The following LACTB variants were observed in gnomAD, a reference collection of about 807,000 sequenced individuals.
LACTB encodes the protein serine beta-lactamase-like protein LACTB, mitochondrial.
In LACTB, 35 loss-of-function variants were observed where a neutral mutation model predicts 50.2. The ratio of observed to expected loss-of-function variants is 0.70; its 90% CI spans 0.53 to 0.92. The LOEUF is 0.92. Among genes scored for constraint, LACTB ranks in the 40% least tolerant of loss-of-function variants. The pLI is 0.00. For synonymous variants in LACTB, 252 were observed against 268.2 expected (o/e 0.94, Z 0.59); for missense variants, 664 against 691.8 (o/e 0.96, Z 0.45).
At chr15:63,122,487 G>A (rs1172364181) in intron 1 of LACTB, 149 bp from the exon 2 acceptor site, 2 of 763,296 alleles carry the variant, frequency 2.6e-6, no homozygotes, top group African/African-American at 1.7e-5. Context: ...CTGTTAGTGA[G>A]TGACCATGGC....
Position 63,141,318 on chromosome 15 carries a change from C to G in LACTB, c.1157C>G (p.Thr386Arg), listed in dbSNP as rs1282311705. 3.7e-6 allele frequency: 6 copies of G among 1,612,906 alleles called. No homozygotes were observed. The highest frequency in any genetic ancestry group is 5.1e-6 in the Non-Finnish European group (6 of 1,179,414). Reference sequence around the variant, plus strand: ...AATAAAAAGAAACGTCTTGTCAACACACCTTACGTGGATAACTCCTATAAA... The same window carrying G: ...AATAAAAAGAAACGTCTTGTCAACAGACCTTACGTGGATAACTCCTATAAA... ...VYNKKKRLVN[T>R]PYVDNSYKWA... The change falls in exon 6 of 6, where the codon ACA becomes AGA. Residue 386 changes from threonine to arginine, a missense_variant. Coordinates refer to ENST00000261893, the MANE Select transcript of LACTB (RefSeq NM_032857.5).
intron 4 of LACTB, 118 bp from the exon 5 acceptor site, chr15:63,129,367 C>A: frequency 1.1e-6 from 1 of 895,008 alleles, no homozygotes; most frequent in Non-Finnish European, 1.6e-6. Context: ...TTTCTGAATG[C>A]TGAAGTAAAA....
At position 63,141,693 on chromosome 15, in the gene LACTB, A is replaced by C. The variant is rs1456842586; in HGVS notation, c.1532A>C (p.Lys511Thr). 1.2e-6 allele frequency: 2 copies of C among 1,614,064 alleles called. No individual in the cohort carries two copies. Among genetic ancestry groups the C allele is most frequent in the African/African-American group, 2.7e-5 (2 of 74,922 alleles). The change falls in exon 6 of 6, where the codon AAG becomes ACG. Residue 511 changes from lysine to threonine, a missense_variant. Transcript: ENST00000261893. ...EELDTETINN[K>T]VPPRGIIVSI... is the part of the protein sequence containing the mutation. ...CTGGATACAGAGACTATAAATAACA[A>C]GGTTCCCCCAAGAGGAATCATTGTT...
chr15:63,127,996 T>A (rs2037076665), intron 4 of LACTB, among the ~76,000 whole-genome samples: 1 of 152,230 alleles, frequency 6.6e-6, no homozygotes, highest in Non-Finnish European at 1.5e-5. Flanking sequence ...AAAGTAGACA[T>A]GATAAGGTAT....
chr15:63,123,035 T>C (rs983671437), intron 2 of LACTB, among the ~76,000 whole-genome samples: 1 of 152,242 alleles, frequency 6.6e-6, no homozygotes, highest in Non-Finnish European at 1.5e-5. Context: ...GTGGATGATA[T>C]TGAACCCTGT....
In LACTB at chr15:63,141,709, A is replaced by G; in HGVS notation, c.1548A>G (p.Gly516=). The G allele has an allele frequency of 1.2e-6, 2 of 1,614,158 alleles. No homozygotes were observed. The highest frequency in any genetic ancestry group is 2.7e-5 in the African/African-American group (2 of 75,046). ...ETINNKVPPR[G]IIVSIICNMQ... is the part of the protein sequence containing the mutation. ...TAAATAACAAGGTTCCCCCAAGAGG[A>G]ATCATTGTTTCTATCATATGTAACA... is the stretch of plus-strand genomic sequence containing the variant. The change falls in exon 6 of 6, where the codon GGA becomes GGG. Residue 516 remains glycine (G), a synonymous_variant. Transcript: ENST00000261893.
intron 5 of LACTB, among the ~76,000 whole-genome samples, chr15:63,137,917 A>G (rs565585565): frequency 2.0e-5 from 3 of 152,358 alleles, no homozygotes; most frequent in East Asian, 3.9e-4. Context: ...TTAATACTAA[A>G]TGTTAAAGTG....
intron 5 of LACTB, among the ~76,000 whole-genome samples, chr15:63,134,824 G>T (rs906170694): frequency 2.4e-4 from 36 of 151,668 alleles, no homozygotes; most frequent in Non-Finnish European, 4.6e-4. Context: ...GTGTGTGTGT[G>T]TGTGTGTGTG....
In LACTB at chr15:63,141,878, C is replaced by T. The variant is rs2037232982; in HGVS notation, c.*73C>T. 2 of 1,268,704 alleles carry T rather than the reference C, an allele frequency of 1.6e-6. No individual in the cohort carries two copies. The highest frequency in any genetic ancestry group is 2.2e-6 in the Non-Finnish European group (2 of 920,102). 78.6% of individuals were successfully genotyped at this position (1,268,704 alleles called of 1,614,324 possible). A position where few individuals can be genotyped will look rare whatever the true frequency, so the allele number is the denominator to read the frequency against. On this transcript the variant is annotated 3_prime_UTR_variant, in exon 6 of 6. Transcript: ENST00000261893. Reference sequence around the variant, plus strand: ...GAAACATTAAAGTTCCAAAACATGACATTTTTAAGAATAAATTTGAAATAG... The same window carrying T: ...GAAACATTAAAGTTCCAAAACATGATATTTTTAAGAATAAATTTGAAATAG...
chr15:63,122,389 C>T (rs1160753641), intron 1 of LACTB, among the ~76,000 whole-genome samples, 161 bp downstream of exon 1: 1 of 152,216 alleles, frequency 6.6e-6, no homozygotes, highest in Non-Finnish European at 1.5e-5. Context: ...GTCAGACGCT[C>T]TTGGGGGTTC....
At position 63,129,466 on chromosome 15, in the gene LACTB, C is replaced by A; in HGVS notation, c.953-19C>A. On this transcript the variant is annotated intron_variant, in intron 4 of 5. Transcript: ENST00000261893. ...AATCAAGTATTTTATTTTTTTCCTC[C>A]TCGCAATGATGTCTCAAGGTAGTCA... 6.7e-7 allele frequency: 1 copy of A among 1,499,558 alleles called. No individual in the cohort carries two copies. Among genetic ancestry groups the A allele is most frequent in the East Asian group, 2.4e-5 (1 of 41,106 alleles). 92.9% of individuals were successfully genotyped at this position (1,499,558 alleles called of 1,614,324 possible).
At chr15:63,123,109 G>C (rs1263786672) in intron 2 of LACTB, among the ~76,000 whole-genome samples, 1 of 152,192 alleles carries the variant, frequency 6.6e-6, no homozygotes, top group Admixed American at 6.5e-5. Flanking sequence ...GGCATAGTAA[G>C]AGATTAGCAA....
intron 5 of LACTB, chr15:63,130,152 A>G (rs1309956869): frequency 6.6e-6 from 1 of 152,294 alleles, no homozygotes; most frequent in Non-Finnish European, 1.5e-5. Flanking sequence ...ATTTGGAAAT[A>G]AGTTGTAGAC....
intron 2 of LACTB, among the ~76,000 whole-genome samples, chr15:63,124,961 G>GA (rs75764111): frequency 2.0e-5 from 3 of 150,684 alleles, no homozygotes; most frequent in South Asian, 2.1e-4. Context: ...CAAAAAAAAA[G>GA]AAAAAAAAAT....
At chr15:63,129,344 T>G (rs1049026745) in intron 4 of LACTB, 141 bp from the exon 5 acceptor site, 1 of 653,644 alleles carries the variant, frequency 1.5e-6, no homozygotes, top group Non-Finnish European at 2.4e-6. Flanking sequence ...GTTGATGTAT[T>G]GCCTGTGTTC....
At position 63,128,963 on chromosome 15, in the gene LACTB, G is replaced by A. The variant is rs551315620; in HGVS notation, c.953-522G>A. Among the ~76,000 whole-genome samples, 88 of 152,196 alleles carry A rather than the reference G, an allele frequency of 5.8e-4. 1 individual carries two copies. Among genetic ancestry groups the A allele is most frequent in the South Asian group, 2.1e-4 (1 of 4,820 alleles). The stretch of plus-strand genomic sequence containing the variant: ...TCACCATGTTGGCCAGGCTGGTCTC[G>A]AACTCCTGACCTCAGGTGATCCTCC... On this transcript the variant is annotated intron_variant, in intron 4 of 5. Coordinates refer to ENST00000261893, the MANE Select transcript of LACTB (RefSeq NM_032857.5).
In LACTB at chr15:63,129,526, G is replaced by C; in HGVS notation, c.994G>C (p.Ala332Pro). The change falls in exon 5 of 6, where the codon GCA (alanine) becomes CCA (proline). Residue 332 changes from alanine (A) to proline (P), a missense_variant. By Grantham distance (27) the Ala-to-Pro change is conservative. Transcript: ENST00000261893. ...LYSTFGYTLL[A>P]AIVERASGCK... ...TTCAACTTTTGGCTATACCCTACTG[G>C]CAGCCATAGTAGAGAGAGCTTCAGG... 6.2e-7 allele frequency: 1 copy of C among 1,609,820 alleles called. No individual in the cohort carries two copies.
chr15:63,141,924 A>C lies in LACTB; in HGVS notation c.*119A>C. 2.6e-6 allele frequency: 2 copies of C among 765,736 alleles called. No homozygotes were observed. The highest frequency in any genetic ancestry group is 4.1e-6 in the Non-Finnish European group (2 of 491,150). The allele number at this position is 765,736 out of a possible 1,614,324, so 47.4% of individuals were successfully genotyped here. On this transcript the variant is annotated 3_prime_UTR_variant, in exon 6 of 6. Coordinates refer to ENST00000261893, the MANE Select transcript of LACTB (RefSeq NM_032857.5). ...AATAGAGTATAACTGAATGCAGAGA[A>C]TTATGTACCTCTAATTGCTTAATTT...
chr15:63,138,843 C>T (rs186436675), intron 5 of LACTB, among the ~76,000 whole-genome samples: 2 of 151,960 alleles, frequency 1.3e-5, no homozygotes, highest in Admixed American at 1.3e-4. Context: ...AGTTTCTGAC[C>T]AGCCTGGCCA....
Sources: allele counts gnomAD v4.1 joint callset (sites outside exome capture counted in the v4.1 genomes callset), GRCh38; gene constraint gnomAD v4.1.1; transcripts MANE v1.5; gene names NCBI Gene and HGNC (gene_info 2026-07-23, HGNC 2026-07-21).